CEBPE: variants seen among roughly 807,000 people sequenced by gnomAD.
CEBPE encodes the protein CCAAT enhancer binding protein epsilon.
In CEBPE, 10 loss-of-function variants were observed where a neutral mutation model predicts 20.4. The ratio of observed to expected loss-of-function variants is 0.49; its 90% CI spans 0.30 to 0.83. The LOEUF is 0.83. Ranked by LOEUF, CEBPE falls within the 40% of genes least tolerant of loss-of-function variation. The pLI is 0.06. For missense variants in CEBPE, 389 were observed against 383.3 expected (o/e 1.01, Z -0.12); for synonymous variants, 179 against 162.6 (o/e 1.10, Z -0.77).
chr14:23,117,865 C>T (rs765084840), intron 1 of CEBPE, 43 bp from the exon 2 acceptor site: 5 of 1,516,626 alleles, frequency 3.3e-6, no homozygotes, highest in Admixed American at 3.6e-5. Context: ...GAGGGCTGGC[C>T]AGGAGGCAGA....
In CEBPE at chr14:23,118,979, G is replaced by A; in HGVS notation, c.113C>T (p.Ala38Val). Residue 38 changes from alanine (A) to valine (V), a missense_variant, in exon 1 of 2, where the codon GCC (alanine) becomes GTC (valine). Around this residue, in one of 3 missense-constraint regions of CEBPE, gnomAD observed 294 missense variants for 279.7 expected, o/e 1.05. Coordinates refer to ENST00000206513, the MANE Select transcript of CEBPE (RefSeq NM_001805.4). This position sits in a 1 kb window ranked among gnomAD's most constrained non-coding sequence, Gnocchi z 5.5. ...GELGDMCEHEASIDLSAYIES... is the reference protein window; with the variant it reads ...GELGDMCEHEVSIDLSAYIES... ...GATGTAGGCGGAGAGGTCAATGGAGGCCTCATGCTCACACATGTCCCCTAG... is the reference window on the plus strand; with the variant it reads ...GATGTAGGCGGAGAGGTCAATGGAGACCTCATGCTCACACATGTCCCCTAG... 1.2e-6 allele frequency: 2 copies of A among 1,613,866 alleles called. No homozygotes were observed. The highest frequency in any genetic ancestry group is 1.7e-6 in the Non-Finnish European group (2 of 1,179,970).
In CEBPE at chr14:23,117,766, C is replaced by T. The variant is rs373251741; in HGVS notation, c.567G>A (p.Pro189=). 2.3e-5 allele frequency: 37 copies of T among 1,612,948 alleles called. No homozygotes were observed. The highest frequency in any genetic ancestry group is 3.3e-4 in the Middle Eastern group (2 of 6,058). Residue 189 remains proline, a synonymous_variant, in exon 2 of 2, where the codon CCG becomes CCA. Coordinates refer to ENST00000206513, the MANE Select transcript of CEBPE (RefSeq NM_001805.4). ...PCSPLLKAPS[P]AGPLHKGKKA... is the part of the protein sequence containing the mutation. ...TCTTGCCCTTGTGTAAGGGGCCAGC[C>T]GGGGAGGGCGCCTTCAGGAGGGGAC... is the stretch of plus-strand genomic sequence containing the variant.
Position 23,118,713 on chromosome 14 carries a change from GC to G in CEBPE, c.378del (p.Pro127GlnfsTer58). On this transcript the variant is annotated frameshift_variant, in exon 1 of 2. Transcript: ENST00000206513. LOFTEE classifies it high-confidence loss of function. This position sits in a 1 kb window ranked among gnomAD's most constrained non-coding sequence, Gnocchi z 5.5. ...RAVAVKEEPR[G>X]PEGSRAASRG... ...CGGCTGGCAGCTCGGCTGCCCTCTGGCCCCCGGGGCTCCTCCTTCACCGCCA... is the reference window on the plus strand; with the variant it reads ...CGGCTGGCAGCTCGGCTGCCCTCTGGCCCCGGGGCTCCTCCTTCACCGCCA... 6.2e-7 allele frequency: 1 copy of G among 1,613,212 alleles called. No homozygotes were observed. Among genetic ancestry groups the G allele is most frequent in the Non-Finnish European group, 8.5e-7 (1 of 1,179,834 alleles).
At position 23,119,150 on chromosome 14, in the gene CEBPE, G is replaced by A; in HGVS notation, c.-59C>T. ...CTGCTCTTGAGGCACCCCTTGGGGT[G>A]CTCCGGCTGCCCTCTCTCTACCTCC... On this transcript the variant is annotated 5_prime_UTR_variant, in exon 1 of 2. Coordinates refer to ENST00000206513, the MANE Select transcript of CEBPE (RefSeq NM_001805.4). 3 of 1,224,286 alleles carry A rather than the reference G, an allele frequency of 2.5e-6. 1 individual carries two copies. The South Asian group carries it at 3.9e-5, about 16-fold the overall frequency. The allele number at this position is 1,224,286 out of a possible 1,614,324, so 75.8% of individuals were successfully genotyped here. A position where few individuals can be genotyped will look rare whatever the true frequency, so the allele number is the denominator to read the frequency against.
chr14:23,118,057 T>G lies in CEBPE; in HGVS notation c.511-235A>C, dbSNP rs1486683795. ...AAAACTCCCTTTCATGTTCTCACAC[T>G]TTCTTTCTTTCTTTTTTTGTAAAGA... On this transcript the variant is annotated intron_variant, in intron 1 of 1. Transcript: ENST00000206513. The surrounding 1 kb of genome is among the most constrained non-coding windows in gnomAD (Gnocchi z 5.5). 6.6e-6 allele frequency among the ~76,000 whole-genome samples: 1 copy of G among 150,816 alleles called. No individual in the cohort carries two copies. Among genetic ancestry groups the G allele is most frequent in the African/African-American group, 2.4e-5 (1 of 40,828 alleles).
Position 23,119,223 on chromosome 14 carries a change from C to T in CEBPE, c.-132G>A. The T allele has an allele frequency of 6.2e-6, 4 of 650,048 alleles. No homozygotes were observed. The South Asian group carries it at 7.3e-5, about 12-fold the overall frequency. The allele number at this position is 650,048 out of a possible 1,614,324, so 40.3% of individuals were successfully genotyped here. ...CTCGATCTTCTGCCCTAGACCTGCC[C>T]TCTGCAGTCTCCTCTGTCACCCACT... On this transcript the variant is annotated 5_prime_UTR_variant, in exon 1 of 2. Coordinates refer to ENST00000206513, the MANE Select transcript of CEBPE (RefSeq NM_001805.4).
Position 23,117,426 on chromosome 14 carries a change from TG to T in CEBPE, c.*60del. The T allele has an allele frequency of 3.3e-6, 5 of 1,533,640 alleles. No homozygotes were observed. Among genetic ancestry groups the T allele is most frequent in the Non-Finnish European group, 3.5e-6 (4 of 1,132,764 alleles). The stretch of plus-strand genomic sequence containing the variant: ...TCAGGGTTCTAGGCCCCCAGCAGGA[TG>T]GGGGTCCGCAGAGTTAGGCCGTGCC... On this transcript the variant is annotated 3_prime_UTR_variant, in exon 2 of 2. Transcript: ENST00000206513.
In CEBPE at chr14:23,117,551, C is replaced by T. The variant is rs751304427; in HGVS notation, c.782G>A (p.Arg261His). The T allele has an allele frequency of 8.1e-6, 13 of 1,613,910 alleles. No individual in the cohort carries two copies. Among genetic ancestry groups the T allele is most frequent in the East Asian group, 2.2e-5 (1 of 44,872 alleles). ...EQLTQELDTL[R>H]NLFRQIPEAA... Reference sequence around the variant, plus strand: ...CTCAGGAATCTGGCGGAAGAGGTTGCGGAGGGTGTCTAGCTCCTGGGTGAG... The same window carrying T: ...CTCAGGAATCTGGCGGAAGAGGTTGTGGAGGGTGTCTAGCTCCTGGGTGAG... The change falls in exon 2 of 2, where the codon CGC (arginine) becomes CAC (histidine). Residue 261 changes from arginine (R) to histidine (H), a missense_variant. Around this residue, in one of 3 missense-constraint regions of CEBPE, gnomAD observed 87 missense variants for 78.5 expected, o/e 1.11. Transcript: ENST00000206513.
In CEBPE at chr14:23,117,477, C is replaced by G. The variant is rs1205116032; in HGVS notation, c.*10G>C. 1 of 1,606,648 alleles carries G rather than the reference C, an allele frequency of 6.2e-7. No individual in the cohort carries two copies. Among genetic ancestry groups the G allele is most frequent in the Non-Finnish European group, 8.5e-7 (1 of 1,177,538 alleles). ...CAGGGAGCCTGGTGCCCACAATCCA[C>G]CAGCCAGCCTCAGCTGCAACCCCCC... On this transcript the variant is annotated 3_prime_UTR_variant, in exon 2 of 2. Coordinates refer to ENST00000206513, the MANE Select transcript of CEBPE (RefSeq NM_001805.4).
At position 23,117,545 on chromosome 14, in the gene CEBPE, A is replaced by C; in HGVS notation, c.788T>G (p.Leu263Arg). The C allele has an allele frequency of 6.2e-7, 1 of 1,613,892 alleles. No individual in the cohort carries two copies. The highest frequency in any genetic ancestry group is 8.5e-7 in the Non-Finnish European group (1 of 1,180,004). ...GGCCGCCTCAGGAATCTGGCGGAAG[A>C]GGTTGCGGAGGGTGTCTAGCTCCTG... Reference protein sequence around the residue: ...LTQELDTLRNLFRQIPEAANL... With the variant: ...LTQELDTLRNRFRQIPEAANL... Residue 263 changes from leucine (L) to arginine (R), a missense_variant, in exon 2 of 2, where the codon CTC becomes CGC. Physicochemically the swap from Leu to Arg is moderately radical, Grantham distance 102. This residue lies in a region of CEBPE where 87 missense variants were observed against 78.5 expected (regional missense o/e 1.11). Coordinates refer to ENST00000206513, the MANE Select transcript of CEBPE (RefSeq NM_001805.4).
In CEBPE at chr14:23,119,143, TTGG is replaced by T; in HGVS notation, c.-55_-53del. On this transcript the variant is annotated 5_prime_UTR_variant, in exon 1 of 2. Coordinates refer to ENST00000206513, the MANE Select transcript of CEBPE (RefSeq NM_001805.4). ...CCCCCACCTGCTCTTGAGGCACCCC[TTGG>T]GGTGCTCCGGCTGCCCTCTCTCTAC... 8.5e-7 allele frequency: 1 copy of T among 1,174,244 alleles called. No homozygotes were observed. The highest frequency in any genetic ancestry group is 1.3e-5 in the South Asian group (1 of 76,252). 72.7% of individuals were successfully genotyped at this position (1,174,244 alleles called of 1,614,324 possible).
rs753671661 is a variant in CEBPE at position 23,118,839 on chromosome 14, G to A, written c.253C>T (p.Pro85Ser). 1.2e-6 allele frequency: 2 copies of A among 1,613,990 alleles called. No homozygotes were observed. The highest frequency in any genetic ancestry group is 2.2e-5 in the South Asian group (2 of 91,078). The change falls in exon 1 of 2, where the codon CCT (proline) becomes TCT (serine). Residue 85 changes from proline to serine, a missense_variant. Around this residue, in one of 3 missense-constraint regions of CEBPE, gnomAD observed 294 missense variants for 279.7 expected, o/e 1.05. Transcript: ENST00000206513. The surrounding 1 kb of genome is among the most constrained non-coding windows in gnomAD (Gnocchi z 5.5). Reference protein sequence around the residue: ...PAFPHYLPPDPRPFAYPPHTF... With the variant: ...PAFPHYLPPDSRPFAYPPHTF... ...TGTGGAGGGTAGGCAAAGGGCCGAG[G>A]GTCAGGCGGCAAGTAGTGGGGGAAG...
rs1037758775 is a variant in CEBPE, at chr14:23,119,103, C to T, written c.-12G>A. 5 of 1,562,822 alleles carry T rather than the reference C, an allele frequency of 3.2e-6. No homozygotes were observed. In the Admixed American group the frequency reaches 8.8e-5, roughly 27 times the overall value. ...GTCCCGTGGGACATGGCCGGCCCGC[C>T]CCCTCGGCTCCCCGCCCCCACCTGC... On this transcript the variant is annotated 5_prime_UTR_variant, in exon 1 of 2. Coordinates refer to ENST00000206513, the MANE Select transcript of CEBPE (RefSeq NM_001805.4).
Position 23,118,875 on chromosome 14 carries a change from C to T in CEBPE, c.217G>A (p.Gly73Arg), listed in dbSNP as rs556715943. The T allele has an allele frequency of 1.4e-5, 22 of 1,613,974 alleles. No homozygotes were observed. The highest frequency in any genetic ancestry group is 1.7e-4 in the Middle Eastern group (1 of 6,034). ...AAGTAGTGGGGGAAGGCAGGGGTTC[C>T]GGGGCCCTTGAGGCCTCTGGCCTCA... ...APEARGLKGP[G>R]TPAFPHYLPP... The change falls in exon 1 of 2, where the codon GGA (glycine) becomes AGA (arginine). Residue 73 changes from glycine (G) to arginine (R), a missense_variant. Coordinates refer to ENST00000206513, the MANE Select transcript of CEBPE (RefSeq NM_001805.4). This position sits in a 1 kb window ranked among gnomAD's most constrained non-coding sequence, Gnocchi z 5.5.
rs2048518778 is a variant in CEBPE, at chr14:23,118,143, C to T, written c.511-321G>A. On this transcript the variant is annotated intron_variant, in intron 1 of 1. Coordinates refer to ENST00000206513, the MANE Select transcript of CEBPE (RefSeq NM_001805.4). This position sits in a 1 kb window ranked among gnomAD's most constrained non-coding sequence, Gnocchi z 5.5. ...CCCCTGGCCTTAAGCGAACCTCCTG[C>T]TTTGGCCTCCCAAAGCGCTGGGATT... Among the ~76,000 whole-genome samples the T allele has an allele frequency of 6.6e-6, 1 of 152,118 alleles. No individual in the cohort carries two copies. Among genetic ancestry groups the T allele is most frequent in the Non-Finnish European group, 1.5e-5 (1 of 68,026 alleles).
Position 23,118,816 on chromosome 14 carries a change from T to C in CEBPE, c.276A>G (p.Pro92=). 1 of 1,613,572 alleles carries C rather than the reference T, an allele frequency of 6.2e-7. No individual in the cohort carries two copies. The highest frequency in any genetic ancestry group is 8.5e-7 in the Non-Finnish European group (1 of 1,179,798). The change falls in exon 1 of 2, where the codon CCA becomes CCG. Residue 92 remains proline, a synonymous_variant. Coordinates refer to ENST00000206513, the MANE Select transcript of CEBPE (RefSeq NM_001805.4). This position sits in a 1 kb window ranked among gnomAD's most constrained non-coding sequence, Gnocchi z 5.5. ...PPDPRPFAYP[P]HTFGPDRKAL... The stretch of plus-strand genomic sequence containing the variant: ...CCTTCCTGTCTGGGCCGAAGGTATG[T>C]GGAGGGTAGGCAAAGGGCCGAGGGT...
In CEBPE at chr14:23,118,737, C is replaced by T. The variant is rs2048522566; in HGVS notation, c.355G>A (p.Ala119Thr). 6.2e-7 allele frequency: 1 copy of T among 1,613,276 alleles called. No homozygotes were observed. The highest frequency in any genetic ancestry group is 1.3e-5 in the African/African-American group (1 of 74,910). ...GGCCCCCGGGGCTCCTCCTTCACCG[C>T]CACAGCCCTGGGGTCGTAGCTCCCT... is the stretch of plus-strand genomic sequence containing the variant. ...SPGSYDPRAV[A>T]VKEEPRGPEG... The change falls in exon 1 of 2, where the codon GCG becomes ACG. Residue 119 changes from alanine (A) to threonine (T), a missense_variant. Coordinates refer to ENST00000206513, the MANE Select transcript of CEBPE (RefSeq NM_001805.4). This position sits in a 1 kb window ranked among gnomAD's most constrained non-coding sequence, Gnocchi z 5.5.
Position 23,117,539 on chromosome 14 carries a change from C to T in CEBPE, c.794G>A (p.Arg265His), listed in dbSNP as rs199967428. The T allele has an allele frequency of 5.6e-6, 9 of 1,613,880 alleles. No individual in the cohort carries two copies. Among genetic ancestry groups the T allele is most frequent in the African/African-American group, 4.0e-5 (3 of 75,024 alleles). The stretch of plus-strand genomic sequence containing the variant: ...GAGGTTGGCCGCCTCAGGAATCTGG[C>T]GGAAGAGGTTGCGGAGGGTGTCTAG... ...QELDTLRNLF[R>H]QIPEAANLIK... Residue 265 changes from arginine (R) to histidine (H), a missense_variant, in exon 2 of 2, where the codon CGC becomes CAC. Physicochemically the swap from Arg to His is conservative, Grantham distance 29. This residue lies in a region of CEBPE where 87 missense variants were observed against 78.5 expected (regional missense o/e 1.11). Transcript: ENST00000206513.
In CEBPE at chr14:23,118,899, C is replaced by T; in HGVS notation, c.193G>A (p.Glu65Lys). The T allele has an allele frequency of 6.2e-7, 1 of 1,614,096 alleles. No individual in the cohort carries two copies. Among genetic ancestry groups the T allele is most frequent in the Non-Finnish European group, 8.5e-7 (1 of 1,179,988 alleles). The part of the protein sequence containing the change: ...SDLFAVKPAP[E>K]ARGLKGPGTP... ...CCGGGGCCCTTGAGGCCTCTGGCCT[C>T]AGGCGCTGGCTTCACGGCAAAGAGA... Residue 65 changes from glutamate (E) to lysine (K), a missense_variant, in exon 1 of 2, where the codon GAG becomes AAG. This residue lies in a region of CEBPE where 294 missense variants were observed against 279.7 expected (regional missense o/e 1.05). Coordinates refer to ENST00000206513, the MANE Select transcript of CEBPE (RefSeq NM_001805.4). This position sits in a 1 kb window ranked among gnomAD's most constrained non-coding sequence, Gnocchi z 5.5.
Sources: allele counts gnomAD v4.1 joint callset (sites outside exome capture counted in the v4.1 genomes callset), GRCh38; gene constraint gnomAD v4.1.1; regional missense constraint gnomAD v4.1.1; non-coding constraint Gnocchi (gnomAD v3.1); transcripts MANE v1.5; gene names NCBI Gene and HGNC (gene_info 2026-07-23, HGNC 2026-07-21).